CA4: variants seen among roughly 807,000 people sequenced by gnomAD.
The protein encoded by CA4 is CA-IV.
A neutral mutation model predicts 34.5 loss-of-function variants in CA4; 24 were observed. The observed-to-expected ratio is 0.70, with a 90% CI of 0.50 to 0.98. The LOEUF (loss-of-function observed/expected upper bound fraction) is 0.98. Ranked by LOEUF, CA4 falls within the 50% of genes least tolerant of loss-of-function variation. CA4 has a pLI of 0.00. For missense variants in CA4, 394 were observed against 396.7 expected (o/e 0.99, Z 0.06); for synonymous variants, 178 against 170.6 (o/e 1.04, Z -0.34).
Position 60,156,595 on chromosome 17 carries a change from C to A in CA4, c.148C>A (p.Arg50Ser), listed in dbSNP as rs576319406. The stretch of plus-strand genomic sequence containing the variant: ...GTGGGGTGGAAACTGCCAGAAGGAC[C>A]GCCAGTCCCCCATCAACATCGTCAC... ...VKWGGNCQKD[R>S]QSPINIVTTK... The change falls in exon 3 of 8, where the codon CGC becomes AGC. Residue 50 changes from arginine (R) to serine (S), a missense_variant. Physicochemically the swap from Arg to Ser is moderately radical, Grantham distance 110. Transcript: ENST00000300900. 49 of 1,613,980 alleles carry A rather than the reference C, an allele frequency of 3.0e-5. No homozygotes were observed. Among genetic ancestry groups the A allele is most frequent in the Admixed American group, 1.8e-4 (11 of 60,010 alleles).
In CA4 at chr17:60,158,687, T is replaced by G. The variant is rs1415526776; in HGVS notation, c.744+241T>G. ...GTCATTCAGAAAATGGTGCTGGGGT[T>G]TCTATCATGAACGAGGCTCTGGGGA... On this transcript the variant is annotated intron_variant, in intron 7 of 7. Transcript: ENST00000300900. 4 of 573,086 alleles carry G rather than the reference T, an allele frequency of 7.0e-6. No homozygotes were observed. The African/African-American group carries it at 7.5e-5, about 11-fold the overall frequency. 35.5% of individuals were successfully genotyped at this position (573,086 alleles called of 1,614,324 possible). A position where few individuals can be genotyped will look rare whatever the true frequency, so the allele number is the denominator to read the frequency against.
At chr17:60,158,262 T>A (rs1233307460) in intron 6 of CA4, 21 bp from the exon 7 acceptor site, 1 of 1,613,844 alleles carries the variant, frequency 6.2e-7, no homozygotes, top group Admixed American at 1.7e-5. Context: ...TCACTGACAG[T>A]GTCCTCTGCC....
At chr17:60,166,337 G>A (rs1226068624) in intron 5 of CA4, among the ~76,000 whole-genome samples, 1 of 152,170 alleles carries the variant, frequency 6.6e-6, no homozygotes, top group African/African-American at 2.4e-5. Flanking sequence ...TTAAACTCCT[G>A]AGCTCAGGCA....
chr17:60,152,006 G>T (rs1961773324), intron 1 of CA4, among the ~76,000 whole-genome samples: 1 of 152,086 alleles, frequency 6.6e-6, no homozygotes, highest in Non-Finnish European at 1.5e-5. Flanking sequence ...GGGGAGGTGG[G>T]GTGAGCAAGG....
At chr17:60,161,875 C>T (rs1003222176), downstream of CA4, among the ~76,000 whole-genome samples, 1 of 152,092 alleles carries the variant, frequency 6.6e-6, no homozygotes, top group Non-Finnish European at 1.5e-5. Flanking sequence ...AAGCTGCCCC[C>T]CAAAGGATCA....
intron 5 of CA4, 76 bp from the exon 6 acceptor site, chr17:60,157,985 C>G: frequency 6.3e-7 from 1 of 1,584,154 alleles, no homozygotes; most frequent in Non-Finnish European, 8.6e-7. Context: ...CCTTCCGCCC[C>G]CAGATCGGGA....
At chr17:60,157,157 C>T (rs1045108112) in intron 3 of CA4, among the ~76,000 whole-genome samples, 37 of 152,136 alleles carry the variant, frequency 2.4e-4, no homozygotes, top group African/African-American at 8.2e-4. Context: ...AGGAGGTGGA[C>T]GCAGAGGAGG....
chr17:60,168,856 G>A (rs564348579), intron 5 of CA4, among the ~76,000 whole-genome samples: 10 of 152,284 alleles, frequency 6.6e-5, no homozygotes, highest in Non-Finnish European at 1.0e-4. Flanking sequence ...GTCTTTGCAG[G>A]GGGATAAAGG....
At chr17:60,163,402 C>T (rs2083816368), downstream of CA4, among the ~76,000 whole-genome samples, 1 of 152,126 alleles carries the variant, frequency 6.6e-6, no homozygotes, top group African/African-American at 2.4e-5. Flanking sequence ...CTCTGGGCCT[C>T]AGTTCATCCA....
chr17:60,157,769 T>G lies in CA4; in HGVS notation c.494T>G (p.Val165Gly), dbSNP rs1469866612. 6.2e-7 allele frequency: 1 copy of G among 1,613,714 alleles called. No individual in the cohort carries two copies. Among genetic ancestry groups the G allele is most frequent in the Non-Finnish European group, 8.5e-7 (1 of 1,179,630 alleles). The change falls in exon 5 of 8, where the codon GTG becomes GGG. Residue 165 changes from valine (V) to glycine (G), a missense_variant. Transcript: ENST00000300900. Reference sequence around the variant, plus strand: ...CAGGACCCTGAAGACGAAATTGCGGTGCTGGCCTTTCTGGTGGAGGTGGGA... The same window carrying G: ...CAGGACCCTGAAGACGAAATTGCGGGGCTGGCCTTTCTGGTGGAGGTGGGA... ...EAQDPEDEIA[V>G]LAFLVEAGTQ... is the part of the protein sequence containing the mutation.
At position 60,156,558 on chromosome 17, in the gene CA4, A is replaced by C. The variant is rs980055405; in HGVS notation, c.113-2A>C. 3 of 1,614,032 alleles carry C rather than the reference A, an allele frequency of 1.9e-6. No individual in the cohort carries two copies. Among genetic ancestry groups the C allele is most frequent in the African/African-American group, 1.3e-5 (1 of 74,938 alleles). The stretch of plus-strand genomic sequence containing the variant: ...CTCAGCCCACCTTCTCTCCCTGCTC[A>C]GTGCCAGTCAAGTGGGGTGGAAACT... On this transcript the variant is annotated splice_acceptor_variant, in intron 2 of 7. Transcript: ENST00000300900. LOFTEE classifies it high-confidence loss of function.
At chr17:60,153,604 G>C (rs978895347) in intron 1 of CA4, among the ~76,000 whole-genome samples, 2 of 152,174 alleles carry the variant, frequency 1.3e-5, no homozygotes, top group Non-Finnish European at 2.9e-5. Flanking sequence ...CCCTCTCTTG[G>C]GGTCTGGATC....
downstream of CA4, among the ~76,000 whole-genome samples, chr17:60,175,239 A>G (rs998682685): frequency 1.9e-4 from 27 of 141,656 alleles, no homozygotes; most frequent in Non-Finnish European, 3.6e-4. Context: ...CATATTGCTC[A>G]GACTGGTCTT....
Position 60,159,241 on chromosome 17 carries a change from C to G in CA4, c.756C>G (p.Phe252Leu). Reference sequence around the variant, plus strand: ...CATCACTTCCGCAGATCCTGGCATTCTCTCAGAAGCTGTACTACGACAAGG... The same window carrying G: ...CATCACTTCCGCAGATCCTGGCATTGTCTCAGAAGCTGTACTACGACAAGG... ...IQLHREQILA[F>L]SQKLYYDKEQ... The change falls in exon 8 of 8, where the codon TTC becomes TTG. Residue 252 changes from phenylalanine to leucine, a missense_variant. Coordinates refer to ENST00000300900, the MANE Select transcript of CA4 (RefSeq NM_000717.5). 6.2e-7 allele frequency: 1 copy of G among 1,602,416 alleles called. No individual in the cohort carries two copies. Among genetic ancestry groups the G allele is most frequent in the South Asian group, 1.1e-5 (1 of 89,236 alleles).
intron 3 of CA4, among the ~76,000 whole-genome samples, chr17:60,157,111 T>A (rs2083701006): frequency 6.6e-6 from 1 of 151,336 alleles, no homozygotes; most frequent in Admixed American, 6.6e-5. Flanking sequence ...GCCTGAGGAG[T>A]TTGGACATTA....
Position 60,168,618 on chromosome 17 carries a change from G to A in CA4, c.*179-1933G>A, listed in dbSNP as rs2083882780. On this transcript the variant is annotated intron_variant and NMD_transcript_variant, in intron 5 of 5. Transcript: ENST00000586876. ...ATTTTGTGGAAATACGAACAGCTCTGCTTTGGGAAAGCCTTCGTGGAGTGT... is the reference window on the plus strand; with the variant it reads ...ATTTTGTGGAAATACGAACAGCTCTACTTTGGGAAAGCCTTCGTGGAGTGT... Among the ~76,000 whole-genome samples the A allele has an allele frequency of 4.0e-5, 6 of 151,808 alleles. No homozygotes were observed. In the South Asian group the frequency reaches 1.2e-3, roughly 32 times the overall value.
downstream of CA4, chr17:60,159,559 G>A: frequency 9.5e-7 from 1 of 1,053,108 alleles, no homozygotes; most frequent in Non-Finnish European, 1.4e-6. Context: ...TTTCTCAAGT[G>A]TGTTTTTAGC....
chr17:60,157,869 G>C (rs1347297689), intron 5 of CA4, 81 bp downstream of exon 5: 1 of 1,509,688 alleles, frequency 6.6e-7, no homozygotes, highest in Non-Finnish European at 9.1e-7. Flanking sequence ...GGACTCCAGC[G>C]AGGCAGGAGG....
chr17:60,167,273 C>T (rs527945883), intron 5 of CA4, among the ~76,000 whole-genome samples: 31 of 152,150 alleles, frequency 2.0e-4, no homozygotes, highest in African/African-American at 7.5e-4. Flanking sequence ...CAGTCAAGGA[C>T]GCTGGGATGT....
Sources: gnomAD v4.1 joint callset for allele counts (sites outside exome capture counted in the v4.1 genomes callset) on GRCh38, gnomAD v4.1.1 for gene constraint, MANE v1.5 for transcripts, NCBI Gene and HGNC (gene_info 2026-07-23, HGNC 2026-07-21) for gene names.